The following MCM9 variants were observed in gnomAD, a reference collection of about 807,000 sequenced individuals.
MCM9 encodes the protein minichromosome maintenance 9 homologous recombination repair factor.
In MCM9, 55 loss-of-function variants were observed where a neutral mutation model predicts 72.8. That is an observed-to-expected ratio of 0.76 (90% CI 0.61 to 0.95). MCM9 has a LOEUF of 0.95. Ranked by LOEUF, MCM9 falls within the 40% of genes least tolerant of loss-of-function variation. MCM9 has a pLI of 0.00. For synonymous variants in MCM9, 480 were observed against 503.4 expected (o/e 0.95, Z 0.62); for missense variants, 1,279 against 1,377.0 (o/e 0.93, Z 1.13).
At chr6:118,921,732 T>C (rs1781446205) in intron 5 of MCM9, 1 of 274,528 alleles carries the variant, frequency 3.6e-6, no homozygotes, top group South Asian at 1.1e-4. Context: ...TCTGGATTCA[T>C]GTTCCAGTTA....
chr6:118,864,188 G>A (rs1777076616), intron 8 of MCM9, among the ~76,000 whole-genome samples: 1 of 152,002 alleles, frequency 6.6e-6, no homozygotes, highest in African/African-American at 2.4e-5. Context: ...TACCCAATAA[G>A]CAGTCTTTTG....
rs1439704850 is a variant in MCM9, at chr6:118,917,545, GC to G, written c.904+15del. 5 of 1,611,242 alleles carry G rather than the reference GC, an allele frequency of 3.1e-6. No homozygotes were observed. The highest frequency in any genetic ancestry group is 4.2e-6 in the Non-Finnish European group (5 of 1,177,584). ...ATACCATTAATAATAATCAGTTTTA[GC>G]CCTTAAACACAAACCTGCAAAGGGA... On this transcript the variant is annotated intron_variant, in intron 6 of 13. Transcript: ENST00000619706.
At chr6:118,932,137 C>T (rs1782491063) in intron 2 of MCM9, among the ~76,000 whole-genome samples, 3 of 152,118 alleles carry the variant, frequency 2.0e-5, no homozygotes, top group Non-Finnish European at 4.4e-5. Flanking sequence ...CTTTTCTATG[C>T]TTAGATACAT....
At chr6:118,928,291 AT>A (rs376355194) in intron 3 of MCM9, among the ~76,000 whole-genome samples, 1,585 of 152,094 alleles carry the variant, frequency 0.01, 29 homozygotes, top group African/African-American at 0.036. Context: ...CACGCCTGTA[AT>A]CCCAGCTACT....
chr6:118,918,445 G>T (rs927382125), intron 5 of MCM9: 1 of 152,270 alleles, frequency 6.6e-6, no homozygotes, highest in Non-Finnish European at 1.5e-5. Context: ...CACCATTCCT[G>T]GTAGGCAGAA....
At chr6:118,821,105 A>C (rs2114515083) in intron 13 of MCM9, among the ~76,000 whole-genome samples, 1 of 152,162 alleles carries the variant, frequency 6.6e-6, no homozygotes, top group Non-Finnish European at 1.5e-5. Flanking sequence ...TTTTAATTGG[A>C]GCATTTAGCC....
chr6:118,922,196 A>T, intron 4 of MCM9, 110 bp from the exon 5 acceptor site: 1 of 731,642 alleles, frequency 1.4e-6, no homozygotes, highest in Non-Finnish European at 2.1e-6. Flanking sequence ...ATATCATACG[A>T]TTTAATTATA....
intron 13 of MCM9, among the ~76,000 whole-genome samples, chr6:118,823,727 G>C (rs1332301689): frequency 1.3e-5 from 2 of 151,988 alleles, no homozygotes; most frequent in East Asian, 3.9e-4. Context: ...ACTTTGAAAA[G>C]ATATTATACC....
chr6:118,845,475 C>T (rs1389648833), intron 9 of MCM9, among the ~76,000 whole-genome samples: 1 of 151,736 alleles, frequency 6.6e-6, no homozygotes, highest in Non-Finnish European at 1.5e-5. Context: ...TCTGTCTATG[C>T]CCAGTGTATT....
chr6:118,923,684 T>C, intron 4 of MCM9, 127 bp downstream of exon 4: 1 of 816,674 alleles, frequency 1.2e-6, no homozygotes, highest in Admixed American at 2.6e-5. Flanking sequence ...AGTTTCGAGC[T>C]TGATCTTCCA....
At chr6:118,862,939 A>G (rs981383781) in intron 8 of MCM9, among the ~76,000 whole-genome samples, 17 of 152,238 alleles carry the variant, frequency 1.1e-4, no homozygotes, top group African/African-American at 3.9e-4. Context: ...TTTCTCAAAG[A>G]TTGAAGAAAT....
chr6:118,905,709 G>T, intron 8 of MCM9: 2 of 1,613,720 alleles, frequency 1.2e-6, no homozygotes, highest in Non-Finnish European at 1.7e-6. Context: ...CGTAACTGTT[G>T]TGCTAATTAC....
At chr6:118,861,961 A>G (rs1164862658) in intron 8 of MCM9, among the ~76,000 whole-genome samples, 1 of 152,180 alleles carries the variant, frequency 6.6e-6, no homozygotes, top group Admixed American at 6.5e-5. Context: ...CTGTAGGCCC[A>G]TGCTGAGCTA....
rs760546776 is a variant in MCM9 at position 118,911,779 on chromosome 6, A to T, written c.1031-10T>A. 1.2e-6 allele frequency: 2 copies of T among 1,600,852 alleles called. No homozygotes were observed. The highest frequency in any genetic ancestry group is 2.2e-5 in the South Asian group (2 of 89,630). On this transcript the variant is annotated splice_polypyrimidine_tract_variant and intron_variant, in intron 7 of 13. Transcript: ENST00000619706. Reference sequence around the variant, plus strand: ...AAAAGATGAGATTCTCCTAGGAAAAAGCAAATACATGAAGTTTTAAATTTC... The same window carrying T: ...AAAAGATGAGATTCTCCTAGGAAAATGCAAATACATGAAGTTTTAAATTTC...
rs140423369 is a variant in MCM9, at chr6:118,854,353, G to T, written c.1325+2018C>A. ...GAAGTATGAGACGCAGGTGTTTTTT[G>T]TTGTTGTTGTTGTTTTTAGACAGAG... On this transcript the variant is annotated intron_variant, in intron 9 of 13. Coordinates refer to ENST00000619706, the MANE Select transcript of MCM9 (RefSeq NM_017696.3). 5.7e-3 allele frequency among the ~76,000 whole-genome samples: 865 copies of T among 152,002 alleles called. 8 individuals carry two copies. Among genetic ancestry groups the T allele is most frequent in the African/African-American group, 0.019 (791 of 41,392 alleles).
At chr6:118,843,130 C>G (rs1775501434) in intron 9 of MCM9, among the ~76,000 whole-genome samples, 1 of 152,082 alleles carries the variant, frequency 6.6e-6, no homozygotes, top group Non-Finnish European at 1.5e-5. Flanking sequence ...TGGCCTCTCC[C>G]AGTTGCTTAA....
At chr6:118,850,596 CAATTT>C (rs1441003032) in intron 9 of MCM9, among the ~76,000 whole-genome samples, 4 of 151,810 alleles carry the variant, frequency 2.6e-5, no homozygotes, top group Admixed American at 1.3e-4. Context: ...AAATTATCAA[CAATTT>C]AATTTTGCTT....
At chr6:118,826,390 G>A (rs546390833) in intron 12 of MCM9, 98 bp from the exon 13 acceptor site, 26 of 1,261,904 alleles carry the variant, frequency 2.1e-5, no homozygotes, top group South Asian at 1.3e-4. Flanking sequence ...TAAGACCGCC[G>A]TTTACACCCC....
chr6:118,923,770 A>T (rs777906437), intron 4 of MCM9, 41 bp downstream of exon 4: 1 of 1,560,824 alleles, frequency 6.4e-7, no homozygotes, highest in Non-Finnish European at 8.8e-7. Flanking sequence ...GCTGAAAAAC[A>T]CTTCTTCAAA....
Sources: gnomAD v4.1 joint callset for allele counts (sites outside exome capture counted in the v4.1 genomes callset) on GRCh38, gnomAD v4.1.1 for gene constraint, MANE v1.5 for transcripts, NCBI Gene and HGNC (gene_info 2026-07-23, HGNC 2026-07-21) for gene names.